The following EPO variants were observed in gnomAD, a reference collection of about 807,000 sequenced individuals.
The protein encoded by EPO is epoetin.
In EPO, 12 loss-of-function variants were observed where a neutral mutation model predicts 24.4. That is an observed-to-expected ratio of 0.49 (90% confidence interval 0.32 to 0.80). The LOEUF (loss-of-function observed/expected upper bound fraction) is 0.80. Ranked by LOEUF, EPO falls within the 30% of genes least tolerant of loss-of-function variation. The probability of loss-of-function intolerance (pLI) is 0.04; values close to 1 mark genes in which losing one functional copy is unlikely to be tolerated. For synonymous variants in EPO, 107 were observed against 104.0 expected, an observed-to-expected ratio of 1.03 and a Z score of -0.18; for missense variants, 210 against 238.0, an observed-to-expected ratio of 0.88 and a Z score of 0.77.
At position 100,721,955 on chromosome 7, in the gene EPO, A is replaced by G; in HGVS notation, c.160-7A>G. ...ACCCTTGACTCCCCGGGCTGTGTGC[A>G]TTTCAGACGGGCTGTGCTGAACACT... On this transcript the variant is annotated splice_polypyrimidine_tract_variant and splice_region_variant and intron_variant, in intron 2 of 4. Coordinates refer to ENST00000252723, the MANE Select transcript of EPO (RefSeq NM_000799.4). This position sits in a 1 kb window ranked among gnomAD's most constrained non-coding sequence, Gnocchi z 4.0. 2 of 1,604,294 alleles carry G rather than the reference A, an allele frequency of 1.2e-6. No individual in the cohort carries two copies. The highest frequency in any genetic ancestry group is 2.2e-5 in the East Asian group (1 of 44,864).
chr7:100,721,749 C>A lies in EPO; in HGVS notation c.159+46C>A. 1 of 1,578,400 alleles carries A rather than the reference C, an allele frequency of 6.3e-7. No homozygotes were observed. The highest frequency in any genetic ancestry group is 1.1e-5 in the South Asian group (1 of 87,256). ...CATTCCACAGAACTCACGCTCAGGG[C>A]TTCAGGGAACTCCTCCCAGATCCAG... is the stretch of plus-strand genomic sequence containing the variant. On this transcript the variant is annotated intron_variant, in intron 2 of 4. Coordinates refer to ENST00000252723, the MANE Select transcript of EPO (RefSeq NM_000799.4). This position sits in a 1 kb window ranked among gnomAD's most constrained non-coding sequence, Gnocchi z 4.0.
Position 100,720,814 on chromosome 7 carries a change from G to A in EPO, c.-167G>A. On this transcript the variant is annotated 5_prime_UTR_variant, in exon 1 of 5. Coordinates refer to ENST00000252723, the MANE Select transcript of EPO (RefSeq NM_000799.4). ...CGCGCTGTCCTCCCGGAGCCGGACCGGGGCCACCGCGCCCGCTCTGCTCCG... is the reference window on the plus strand; with the variant it reads ...CGCGCTGTCCTCCCGGAGCCGGACCAGGGCCACCGCGCCCGCTCTGCTCCG... 2 of 764,596 alleles carry A rather than the reference G, an allele frequency of 2.6e-6. No individual in the cohort carries two copies. Among genetic ancestry groups the A allele is most frequent in the Non-Finnish European group, 3.6e-6 (2 of 549,180 alleles). 47.4% of individuals were successfully genotyped at this position (764,596 alleles called of 1,614,324 possible).
rs949663876 is a variant in EPO at position 100,720,575 on chromosome 7, T to C, written c.-406T>C. On this transcript the variant is annotated 5_prime_UTR_variant, in exon 1 of 5. Coordinates refer to ENST00000252723, the MANE Select transcript of EPO (RefSeq NM_000799.4). Reference sequence around the variant, plus strand: ...AGCCCCCATGACCCACACGCACGTCTGCAGCAGCCCCGCTCACGCCCCGGC... The same window carrying C: ...AGCCCCCATGACCCACACGCACGTCCGCAGCAGCCCCGCTCACGCCCCGGC... Among the ~76,000 whole-genome samples the C allele has an allele frequency of 1.3e-5, 2 of 152,068 alleles. No homozygotes were observed. The highest frequency in any genetic ancestry group is 2.9e-5 in the Non-Finnish European group (2 of 67,992).
At chr7:100,722,101 G>T in intron 3 of EPO, 53 bp downstream of exon 3, 1 of 1,493,300 alleles carries the variant, frequency 6.7e-7, no homozygotes, top group Non-Finnish European at 9.1e-7. Flanking sequence ...TCATTTGCGA[G>T]CCTGATTTTG....
rs771751685 is a variant in EPO, at chr7:100,723,483, C to T, written c.*350C>T. 185 of 193,428 alleles carry T rather than the reference C, an allele frequency of 9.6e-4. No homozygotes were observed. The highest frequency in any genetic ancestry group is 4.9e-3 in the Admixed American group (85 of 17,246). 12.0% of individuals were successfully genotyped at this position (193,428 alleles called of 1,614,324 possible). A position where few individuals can be genotyped will look rare whatever the true frequency, so the allele number is the denominator to read the frequency against. ...GCTTTGGAGGCGATTTACCTGTTTT[C>T]GCACCTACCATCAGGGACAGGATGA... On this transcript the variant is annotated 3_prime_UTR_variant, in exon 5 of 5. Coordinates refer to ENST00000252723, the MANE Select transcript of EPO (RefSeq NM_000799.4).
In EPO at chr7:100,721,895, C is replaced by G; in HGVS notation, c.160-67C>G. ...AGGCAAGGAGCAAAGCCAGCAGATC[C>G]TACGGCCTGTGGGCCAGGGCCAGAG... On this transcript the variant is annotated intron_variant, in intron 2 of 4. Coordinates refer to ENST00000252723, the MANE Select transcript of EPO (RefSeq NM_000799.4). This position sits in a 1 kb window ranked among gnomAD's most constrained non-coding sequence, Gnocchi z 4.0. 8 of 1,559,118 alleles carry G rather than the reference C, an allele frequency of 5.1e-6. No homozygotes were observed. The highest frequency in any genetic ancestry group is 6.9e-6 in the Non-Finnish European group (8 of 1,152,242).
Position 100,721,037 on chromosome 7 carries a change from G to T in EPO, c.13+44G>T. ...GGCGCTCCCGCCCGCCCGGGTCCCT[G>T]TTTGAGCGGGGATTTAGCGCCCCGG... On this transcript the variant is annotated intron_variant, in intron 1 of 4. Coordinates refer to ENST00000252723, the MANE Select transcript of EPO (RefSeq NM_000799.4). The surrounding 1 kb of genome is among the most constrained non-coding windows in gnomAD (Gnocchi z 4.0). The T allele has an allele frequency of 6.5e-7, 1 of 1,535,236 alleles. No individual in the cohort carries two copies.
chr7:100,722,130 C>T, intron 3 of EPO, 82 bp downstream of exon 3: 5 of 1,309,702 alleles, frequency 3.8e-6, no homozygotes, highest in South Asian at 1.4e-5. Context: ...GGAGAATGAT[C>T]GAGGGAAAGG....
rs764644750 is a variant in EPO at position 100,721,620 on chromosome 7, C to G, written c.76C>G (p.Leu26Val). 1 of 1,614,004 alleles carries G rather than the reference C, an allele frequency of 6.2e-7. No individual in the cohort carries two copies. The highest frequency in any genetic ancestry group is 8.5e-7 in the Non-Finnish European group (1 of 1,180,036). ...GTCGCTCCCTCTGGGCCTCCCAGTC[C>G]TGGGCGCCCCACCACGCCTCATCTG... ...LLSLPLGLPV[L>V]GAPPRLICDS... Residue 26 changes from leucine to valine, a missense_variant, in exon 2 of 5, where the codon CTG becomes GTG. Transcript: ENST00000252723. The surrounding 1 kb of genome is among the most constrained non-coding windows in gnomAD (Gnocchi z 4.0).
At position 100,721,940 on chromosome 7, in the gene EPO, C is replaced by T. The variant is rs1284906260; in HGVS notation, c.160-22C>T. On this transcript the variant is annotated intron_variant, in intron 2 of 4. Coordinates refer to ENST00000252723, the MANE Select transcript of EPO (RefSeq NM_000799.4). The surrounding 1 kb of genome is among the most constrained non-coding windows in gnomAD (Gnocchi z 4.0). ...CCAGAGCCTTCAGGGACCCTTGACTCCCCGGGCTGTGTGCATTTCAGACGG... is the reference window on the plus strand; with the variant it reads ...CCAGAGCCTTCAGGGACCCTTGACTTCCCGGGCTGTGTGCATTTCAGACGG... 2.5e-6 allele frequency: 4 copies of T among 1,600,926 alleles called. No individual in the cohort carries two copies. The highest frequency in any genetic ancestry group is 3.4e-4 in the Middle Eastern group (2 of 5,966).
intron 3 of EPO, among the ~76,000 whole-genome samples, 156 bp from the exon 4 acceptor site, chr7:100,722,508 T>TTCAC (rs10550542): frequency 3.1e-4 from 47 of 151,406 alleles, no homozygotes; most frequent in African/African-American, 9.4e-4. Context: ...TCATTATTCA[T>TTCAC]TCACTCACTC....
At position 100,721,115 on chromosome 7, in the gene EPO, C is replaced by A. The variant is rs529760857; in HGVS notation, c.13+122C>A. The A allele has an allele frequency of 9.0e-7, 1 of 1,116,644 alleles. No individual in the cohort carries two copies. The highest frequency in any genetic ancestry group is 3.2e-5 in the East Asian group (1 of 31,500). The allele number at this position is 1,116,644 out of a possible 1,614,324, so 69.2% of individuals were successfully genotyped here. ...AGGACCGGCGACTTGTCAAGGACCC[C>A]GGAAGGGGGAGGGGGGTGGGGCAGC... On this transcript the variant is annotated intron_variant, in intron 1 of 4. Coordinates refer to ENST00000252723, the MANE Select transcript of EPO (RefSeq NM_000799.4). The surrounding 1 kb of genome is among the most constrained non-coding windows in gnomAD (Gnocchi z 4.0).
chr7:100,722,696 C>G lies in EPO; in HGVS notation c.279C>G (p.Gly93=), dbSNP rs1584531579. The G allele has an allele frequency of 2.5e-6, 4 of 1,607,312 alleles. No individual in the cohort carries two copies. ...AGCAGGCCGTAGAAGTCTGGCAGGG[C>G]CTGGCCCTGCTGTCGGAAGCTGTCC... ...VGQQAVEVWQ[G]LALLSEAVLR... is the part of the protein sequence containing the mutation. Residue 93 remains glycine, a synonymous_variant, in exon 4 of 5, where the codon GGC becomes GGG. Transcript: ENST00000252723.
chr7:100,721,125 AG>A lies in EPO; in HGVS notation c.13+138del. The A allele has an allele frequency of 1.5e-4, 40 of 266,728 alleles. No homozygotes were observed. Among genetic ancestry groups the A allele is most frequent in the Non-Finnish European group, 1.9e-4 (27 of 141,782 alleles). 16.5% of individuals were successfully genotyped at this position (266,728 alleles called of 1,614,324 possible). A position where few individuals can be genotyped will look rare whatever the true frequency, so the allele number is the denominator to read the frequency against. ...ACTTGTCAAGGACCCCGGAAGGGGGAGGGGGGTGGGGCAGCCTCCACGTGCC... is the reference window on the plus strand; with the variant it reads ...ACTTGTCAAGGACCCCGGAAGGGGGAGGGGGTGGGGCAGCCTCCACGTGCC... On this transcript the variant is annotated intron_variant, in intron 1 of 4. Transcript: ENST00000252723. The surrounding 1 kb of genome is among the most constrained non-coding windows in gnomAD (Gnocchi z 4.0).
rs1806745311 is a variant in EPO, at chr7:100,721,829, A to G, written c.159+126A>G. On this transcript the variant is annotated intron_variant, in intron 2 of 4. Transcript: ENST00000252723. The surrounding 1 kb of genome is among the most constrained non-coding windows in gnomAD (Gnocchi z 4.0). ...GGGAAGCTAGACACTGCCCCCCTACATAAGAATAAGTCTGGTGGCCCCAAA... is the reference window on the plus strand; with the variant it reads ...GGGAAGCTAGACACTGCCCCCCTACGTAAGAATAAGTCTGGTGGCCCCAAA... 17 of 1,497,826 alleles carry G rather than the reference A, an allele frequency of 1.1e-5. No individual in the cohort carries two copies. Among genetic ancestry groups the G allele is most frequent in the Non-Finnish European group, 1.5e-5 (17 of 1,114,852 alleles). 92.8% of individuals were successfully genotyped at this position (1,497,826 alleles called of 1,614,324 possible).
Position 100,720,921 on chromosome 7 carries a change from C to T in EPO, c.-60C>T. 7 of 1,521,654 alleles carry T rather than the reference C, an allele frequency of 4.6e-6. No homozygotes were observed. Among genetic ancestry groups the T allele is most frequent in the Non-Finnish European group, 5.3e-6 (6 of 1,137,034 alleles). The allele number at this position is 1,521,654 out of a possible 1,614,324, so 94.3% of individuals were successfully genotyped here. The stretch of plus-strand genomic sequence containing the variant: ...ACCGCCGAGCTTCCCGGGATGAGGG[C>T]CCCCGGTGTGGTCACCCGGCGCGCC... On this transcript the variant is annotated 5_prime_UTR_variant, in exon 1 of 5. Transcript: ENST00000252723.
At position 100,720,778 on chromosome 7, in the gene EPO, C is replaced by A. The variant is rs1194567409; in HGVS notation, c.-203C>A. ...TGGGCCACCCCGGCCGCTCGCTGCGCTGCGCCGCACCGCGCTGTCCTCCCG... is the reference window on the plus strand; with the variant it reads ...TGGGCCACCCCGGCCGCTCGCTGCGATGCGCCGCACCGCGCTGTCCTCCCG... On this transcript the variant is annotated 5_prime_UTR_variant, in exon 1 of 5. In the 5' UTR this introduces an upstream ATG that the reference lacks. Coordinates refer to ENST00000252723, the MANE Select transcript of EPO (RefSeq NM_000799.4). 6 of 520,790 alleles carry A rather than the reference C, an allele frequency of 1.2e-5. No individual in the cohort carries two copies. Among genetic ancestry groups the A allele is most frequent in the Non-Finnish European group, 1.8e-5 (6 of 331,516 alleles). The allele number at this position is 520,790 out of a possible 1,614,324, so 32.3% of individuals were successfully genotyped here. A position where few individuals can be genotyped will look rare whatever the true frequency, so the allele number is the denominator to read the frequency against.
In EPO at chr7:100,722,800, G is replaced by A; in HGVS notation, c.383G>A (p.Gly128Asp). Reference protein sequence around the residue: ...LQLHVDKAVSGLRSLTTLLRA... With the variant: ...LQLHVDKAVSDLRSLTTLLRA... ...CTGCATGTGGATAAAGCCGTCAGTG[G>A]CCTTCGCAGCCTCACCACTCTGCTT... Residue 128 changes from glycine (G) to aspartate (D), a missense_variant, in exon 4 of 5, where the codon GGC becomes GAC. Physicochemically the swap from Gly to Asp is moderately conservative, Grantham distance 94. Coordinates refer to ENST00000252723, the MANE Select transcript of EPO (RefSeq NM_000799.4). The A allele has an allele frequency of 6.2e-7, 1 of 1,614,020 alleles. No homozygotes were observed. Among genetic ancestry groups the A allele is most frequent in the East Asian group, 2.2e-5 (1 of 44,860 alleles).
chr7:100,721,649 C>A lies in EPO; in HGVS notation c.105C>A (p.Asp35Glu). Residue 35 changes from aspartate (D) to glutamate (E), a missense_variant, in exon 2 of 5, where the codon GAC becomes GAA. Physicochemically the swap from Asp to Glu is conservative, Grantham distance 45. Coordinates refer to ENST00000252723, the MANE Select transcript of EPO (RefSeq NM_000799.4). This position sits in a 1 kb window ranked among gnomAD's most constrained non-coding sequence, Gnocchi z 4.0. ...GCGCCCCACCACGCCTCATCTGTGA[C>A]AGCCGAGTCCTGGAGAGGTACCTCT... ...VLGAPPRLIC[D>E]SRVLERYLLE... The A allele has an allele frequency of 6.2e-7, 1 of 1,613,572 alleles. No homozygotes were observed. Among genetic ancestry groups the A allele is most frequent in the Non-Finnish European group, 8.5e-7 (1 of 1,180,014 alleles).
Sources: gnomAD v4.1 joint callset for allele counts (sites outside exome capture counted in the v4.1 genomes callset) on GRCh38, gnomAD v4.1.1 for gene constraint, Gnocchi (gnomAD v3.1) non-coding constraint, MANE v1.5 for transcripts, NCBI Gene and HGNC (gene_info 2026-07-23, HGNC 2026-07-21) for gene names.